DDX60: variants seen among roughly 807,000 people sequenced by gnomAD.
DDX60 encodes probable ATP-dependent RNA helicase DDX60.
DDX60 carries 165 observed loss-of-function variants against 212.8 expected under a neutral mutation model. The ratio of observed to expected loss-of-function variants is 0.78; its 90% CI spans 0.68 to 0.88. The LOEUF (loss-of-function observed/expected upper bound fraction) is 0.88. Among genes scored for constraint, DDX60 ranks in the 40% least tolerant of loss-of-function variants. DDX60 has a pLI of 0.00. For missense variants in DDX60, 1,905 were observed against 2,003.9 expected (o/e 0.95, Z 0.94); for synonymous variants, 703 against 685.3 (o/e 1.03, Z -0.40).
chr4:168,283,024 G>A (rs1262798341), intron 13 of DDX60, among the ~76,000 whole-genome samples: 1 of 151,822 alleles, frequency 6.6e-6, no homozygotes, highest in Non-Finnish European at 1.5e-5. Context: ...AAAATGTGTT[G>A]GATTAATCAA....
At position 168,225,676 on chromosome 4, in the gene DDX60, C is replaced by G; in HGVS notation, c.4534G>C (p.Val1512Leu). The change falls in exon 34 of 38, where the codon GTG becomes CTG. Residue 1512 changes from valine (V) to leucine (L), a missense_variant and splice_region_variant. Val to Leu is a conservative substitution (Grantham distance 32). Coordinates refer to ENST00000393743, the MANE Select transcript of DDX60 (RefSeq NM_017631.6). ...TCCTCAGGGAGATCATCAAGGAACA[C>G]CTAGAAGCCGAATAATTTTCATAGA... is the stretch of plus-strand genomic sequence containing the variant. Reference protein sequence around the residue: ...DAHFEFYQSKVFLDDLPEDFS... With the variant: ...DAHFEFYQSKLFLDDLPEDFS... 6.2e-7 allele frequency: 1 copy of G among 1,607,680 alleles called. No individual in the cohort carries two copies. Among genetic ancestry groups the G allele is most frequent in the Non-Finnish European group, 8.5e-7 (1 of 1,177,912 alleles).
intron 10 of DDX60, among the ~76,000 whole-genome samples, chr4:168,286,407 C>A (rs1395224246): frequency 1.6e-5 from 2 of 124,198 alleles, no homozygotes; most frequent in East Asian, 4.5e-4. Context: ...CACACACACA[C>A]ACACACACAC....
At chr4:168,249,481 T>G (rs1277170969) in intron 28 of DDX60, among the ~76,000 whole-genome samples, 1 of 151,700 alleles carries the variant, frequency 6.6e-6, no homozygotes, top group African/African-American at 2.4e-5. Context: ...TCAAGTTTTT[T>G]GATAAGAACA....
At chr4:168,324,400 A>G in the DDX60 span, among the ~76,000 whole-genome samples, 8 of 152,186 alleles carry the variant, frequency 5.3e-5, no homozygotes, top group African/African-American at 1.9e-4. Context: ...AGGCATGAGA[A>G]GAGGTTGTTA....
At chr4:168,249,490 C>CA (rs144137601) in intron 28 of DDX60, among the ~76,000 whole-genome samples, 4,592 of 152,034 alleles carry the variant, frequency 0.03, 213 homozygotes, top group African/African-American at 0.1. Flanking sequence ...TTGATAAGAA[C>CA]AAAAATGTAG....
rs559442740 is a variant in DDX60 at position 168,258,221 on chromosome 4, T to G, written c.3399-2352A>C. Among the ~76,000 whole-genome samples the G allele has an allele frequency of 2.0e-5, 3 of 152,354 alleles. No homozygotes were observed. In the South Asian group the frequency reaches 6.2e-4, roughly 32 times the overall value. ...GCACTGTACTAAGTGCTTTCATAAC[T>G]TATGTTTATTTAATTCTCACTCCAA... On this transcript the variant is annotated intron_variant, in intron 25 of 37. Transcript: ENST00000393743.
chr4:168,260,431 G>A (rs1178309042), intron 25 of DDX60, among the ~76,000 whole-genome samples: 1 of 152,116 alleles, frequency 6.6e-6, no homozygotes, highest in African/African-American at 2.4e-5. Flanking sequence ...ACCGCACTAC[G>A]ATAGGGAACT....
At chr4:168,217,819 A>G (rs899673227) in intron 37 of DDX60, among the ~76,000 whole-genome samples, 2 of 152,136 alleles carry the variant, frequency 1.3e-5, no homozygotes, top group Non-Finnish European at 2.9e-5. Flanking sequence ...AGGCAATAAA[A>G]GTAGATTGTC....
At position 168,291,876 on chromosome 4, in the gene DDX60, T is replaced by A. The variant is rs1471136531; in HGVS notation, c.913A>T (p.Met305Leu). The A allele has an allele frequency of 1.2e-6, 2 of 1,612,154 alleles. No homozygotes were observed. Among genetic ancestry groups the A allele is most frequent in the African/African-American group, 1.3e-5 (1 of 74,714 alleles). ...CAATGCAGTTTACACAAATCTTCCATCTCCTGCAGGGTTAAGCAATTACTG... is the reference window on the plus strand; with the variant it reads ...CAATGCAGTTTACACAAATCTTCCAACTCCTGCAGGGTTAAGCAATTACTG... ...VNSNCLTLQE[M>L]EDLCKLHCLT... Residue 305 changes from methionine to leucine, a missense_variant, in exon 8 of 38, where the codon ATG (methionine) becomes TTG (leucine). Transcript: ENST00000393743.
At chr4:168,306,321 A>G (rs1188518595) in intron 5 of DDX60, 58 bp downstream of exon 5, 1 of 1,348,582 alleles carries the variant, frequency 7.4e-7, no homozygotes, top group Admixed American at 2.4e-5. Context: ...AACTGAGTCA[A>G]GTAACTTAGA....
chr4:168,296,130 G>A (rs1015362318), intron 6 of DDX60, among the ~76,000 whole-genome samples: 3 of 152,104 alleles, frequency 2.0e-5, no homozygotes, highest in African/African-American at 7.2e-5. Context: ...TTCAAAATAA[G>A]TGCATAAATT....
At chr4:168,260,812 G>A in intron 25 of DDX60, 53 bp downstream of exon 25, 1 of 1,513,580 alleles carries the variant, frequency 6.6e-7, no homozygotes, top group Non-Finnish European at 9.1e-7. Flanking sequence ...CTGCCTTAAA[G>A]GAATGAGTCT....
chr4:168,269,075 C>T (rs545778437), intron 19 of DDX60, 106 bp from the exon 20 acceptor site: 2 of 549,542 alleles, frequency 3.6e-6, no homozygotes, highest in African/African-American at 1.9e-5. Context: ...CTTCCCATCG[C>T]CTTTAAGTGA....
chr4:168,222,401 G>A (rs1177101459), intron 35 of DDX60, among the ~76,000 whole-genome samples: 2 of 152,094 alleles, frequency 1.3e-5, no homozygotes, highest in African/African-American at 4.8e-5. Flanking sequence ...CTGTACTGTA[G>A]AGGATCAATA....
chr4:168,280,423 A>G lies in DDX60; in HGVS notation c.1890T>C (p.Cys630=), dbSNP rs779836936. 3.7e-6 allele frequency: 6 copies of G among 1,614,086 alleles called. No individual in the cohort carries two copies. The Admixed American group carries it at 1.0e-4, about 27-fold the overall frequency. ...IKSLEDFLKS[C]KSSCVKLQVE... ...CCTGAAGTTTCACACAGCTACTTTT[A>G]CAGGATTTCAAAAAATCTTCCAGGC... The change falls in exon 14 of 38, where the codon TGT becomes TGC. Residue 630 remains cysteine, a synonymous_variant. Coordinates refer to ENST00000393743, the MANE Select transcript of DDX60 (RefSeq NM_017631.6).
intron 6 of DDX60, among the ~76,000 whole-genome samples, chr4:168,299,549 C>A (rs143368149): frequency 3.2e-4 from 48 of 150,800 alleles, no homozygotes; most frequent in African/African-American, 1.1e-3. Context: ...ACAGACAAAC[C>A]ACTAGCTAAC....
intron 28 of DDX60, 26 bp from the exon 29 acceptor site, chr4:168,248,318 T>G: frequency 6.7e-7 from 1 of 1,500,436 alleles, no homozygotes; most frequent in Non-Finnish European, 9.1e-7. Flanking sequence ...AACAATTACT[T>G]CATAAAATAG....
intron 6 of DDX60, among the ~76,000 whole-genome samples, chr4:168,294,559 G>T (rs543867198): frequency 6.6e-6 from 1 of 152,082 alleles, no homozygotes; most frequent in African/African-American, 2.4e-5. Context: ...GGAGTGCAGT[G>T]GCCCAATCTC....
chr4:168,297,578 T>C (rs1424186894), intron 6 of DDX60, among the ~76,000 whole-genome samples: 3 of 151,996 alleles, frequency 2.0e-5, no homozygotes, highest in Non-Finnish European at 2.9e-5. Flanking sequence ...AGAAAAATAA[T>C]AGTGGAAATG....
Sources: allele counts gnomAD v4.1 joint callset (sites outside exome capture counted in the v4.1 genomes callset), GRCh38; gene constraint gnomAD v4.1.1; transcripts MANE v1.5; gene names NCBI Gene and HGNC (gene_info 2026-07-23, HGNC 2026-07-21).